Variants in PFKFB3 observed in about 807,000 individuals in gnomAD.
PFKFB3 encodes the protein 6-phosphofructo-2-kinase/fructose-2,6-biphosphatase 3.
Under a neutral mutation model 68.0 loss-of-function variants are expected in PFKFB3, and 33 were observed. The observed-to-expected ratio is 0.49, with a 90% CI of 0.37 to 0.65. The LOEUF (loss-of-function observed/expected upper bound fraction) is 0.65, where lower values mean the gene tolerates loss of function less well. Ranked by LOEUF, PFKFB3 falls within the 30% of genes least tolerant of loss-of-function variation. The pLI is 0.00. For synonymous variants in PFKFB3, 315 were observed against 288.2 expected (o/e 1.09, Z -0.94); for missense variants, 586 against 712.2 (o/e 0.82, Z 2.02).
the PFKFB3 span, among the ~76,000 whole-genome samples, chr10:6,306,980 C>T: frequency 6.6e-6 from 1 of 152,186 alleles, no homozygotes; most frequent in Non-Finnish European, 1.5e-5. Flanking sequence ...GTGAAATTAA[C>T]GTTTCAATTA....
the PFKFB3 span, among the ~76,000 whole-genome samples, chr10:6,321,984 C>T: frequency 6.6e-6 from 1 of 151,390 alleles, no homozygotes; most frequent in Non-Finnish European, 1.5e-5. Context: ...CACCTCTATT[C>T]ATTTCCATGA....
intron 13 of PFKFB3, chr10:6,225,242 G>C (rs1406232972): frequency 4.4e-6 from 2 of 455,938 alleles, no homozygotes; most frequent in Admixed American, 2.4e-5. Context: ...TGGCGTTCCC[G>C]AAACAGGTGA....
intron 1 of PFKFB3, among the ~76,000 whole-genome samples, chr10:6,158,601 C>T (rs963348156): frequency 2.6e-5 from 4 of 152,176 alleles, no homozygotes; most frequent in African/African-American, 9.6e-5. Flanking sequence ...TGCGGTAGCT[C>T]ACGCCTGTAA....
chr10:6,175,474 A>T (rs1842435854), intron 1 of PFKFB3, among the ~76,000 whole-genome samples: 2 of 152,222 alleles, frequency 1.3e-5, no homozygotes, highest in Admixed American at 1.3e-4. Flanking sequence ...CGTATGACAG[A>T]TGGCACAGCT....
rs79391071 is a variant in PFKFB3, at chr10:6,173,527, C to G, written c.16+28514C>G. ...GGGAAACACACACCCCTTCCCCCAC[C>G]TATATATGCTCACGTGAAAAGGTGC... On this transcript the variant is annotated intron_variant, in intron 1 of 14. Transcript: ENST00000379789. 6.2e-3 allele frequency among the ~76,000 whole-genome samples: 945 copies of G among 152,228 alleles called. 5 individuals carry two copies. The highest frequency in any genetic ancestry group is 0.025 in the South Asian group (122 of 4,824).
At chr10:6,164,513 G>A (rs966352542) in intron 1 of PFKFB3, among the ~76,000 whole-genome samples, 2 of 152,212 alleles carry the variant, frequency 1.3e-5, no homozygotes, top group Non-Finnish European at 2.9e-5. Context: ...CCACACCTGT[G>A]GGTGTTTCTC....
At chr10:6,274,151 G>A in the PFKFB3 span, among the ~76,000 whole-genome samples, 1 of 151,798 alleles carries the variant, frequency 6.6e-6, no homozygotes, top group African/African-American at 2.4e-5. Flanking sequence ...AGTGGGCTAT[G>A]ATTGCAGCAC....
chr10:6,311,054 G>T, the PFKFB3 span, among the ~76,000 whole-genome samples: 3 of 152,150 alleles, frequency 2.0e-5, no homozygotes, highest in Non-Finnish European at 2.9e-5. Flanking sequence ...TTGAAATTAA[G>T]ATTCAAAAAA....
At chr10:6,184,167 G>A (rs889085665) in intron 1 of PFKFB3, among the ~76,000 whole-genome samples, 9 of 151,600 alleles carry the variant, frequency 5.9e-5, no homozygotes, top group Non-Finnish European at 1.0e-4. Context: ...ATCCTTGTGC[G>A]TCAGCCTCCC....
At chr10:6,270,202 G>C in the PFKFB3 span, among the ~76,000 whole-genome samples, 8 of 152,242 alleles carry the variant, frequency 5.3e-5, 1 homozygote, top group East Asian at 1.5e-3. Flanking sequence ...TTAAGACTCA[G>C]GAACATGGGA....
chr10:6,289,804 A>G, the PFKFB3 span, among the ~76,000 whole-genome samples: 1 of 151,890 alleles, frequency 6.6e-6, no homozygotes, highest in Admixed American at 6.6e-5. Flanking sequence ...CAGTATGGCC[A>G]TTTTCATGAT....
intron 1 of PFKFB3, among the ~76,000 whole-genome samples, chr10:6,205,994 G>A (rs1275038080): frequency 2.1e-5 from 3 of 145,472 alleles, no homozygotes; most frequent in South Asian, 2.2e-4. Context: ...TTTTTTAATT[G>A]ATCATTCTTG....
intron 10 of PFKFB3, among the ~76,000 whole-genome samples, chr10:6,221,974 G>A (rs1325971136): frequency 6.6e-6 from 1 of 152,182 alleles, no homozygotes; most frequent in Non-Finnish European, 1.5e-5. Flanking sequence ...AGAACTATAT[G>A]GGAGAGGAGG....
chr10:6,326,353 C>A, the PFKFB3 span, among the ~76,000 whole-genome samples: 1 of 152,078 alleles, frequency 6.6e-6, no homozygotes, highest in Non-Finnish European at 1.5e-5. Context: ...TTAATACCTA[C>A]GTGACGGGTT....
the PFKFB3 span, among the ~76,000 whole-genome samples, chr10:6,262,440 G>T: frequency 8.3e-6 from 1 of 120,794 alleles, no homozygotes; most frequent in Non-Finnish European, 1.6e-5. Context: ...GGGCGACAGC[G>T]AGACTCCATC....
chr10:6,318,575 A>G, the PFKFB3 span, among the ~76,000 whole-genome samples: 3 of 152,042 alleles, frequency 2.0e-5, no homozygotes, highest in African/African-American at 7.2e-5. Context: ...CCCTGTTTTG[A>G]CTTGCAACAG....
At chr10:6,292,596 A>G in the PFKFB3 span, among the ~76,000 whole-genome samples, 1 of 151,722 alleles carries the variant, frequency 6.6e-6, no homozygotes, top group Non-Finnish European at 1.5e-5. Context: ...GCCCGAAACC[A>G]GTGTTCTTAA....
intron 1 of PFKFB3, among the ~76,000 whole-genome samples, chr10:6,150,740 G>C (rs989780393): frequency 2.0e-5 from 3 of 152,182 alleles, no homozygotes; most frequent in Non-Finnish European, 4.4e-5. Flanking sequence ...GCTCACGCCT[G>C]TAATCCCAGC....
chr10:6,145,580 C>T (rs937841599), intron 1 of PFKFB3, among the ~76,000 whole-genome samples: 8 of 152,304 alleles, frequency 5.3e-5, no homozygotes, highest in Middle Eastern at 3.4e-3. Context: ...AGGGGCAGCG[C>T]GGCGCGGGAG....
Sources: allele counts gnomAD v4.1 joint callset (sites outside exome capture counted in the v4.1 genomes callset), GRCh38; gene constraint gnomAD v4.1.1; transcripts MANE v1.5; gene names NCBI Gene and HGNC (gene_info 2026-07-23, HGNC 2026-07-21).